The following SCIN variants were observed in gnomAD, a reference collection of about 807,000 sequenced individuals.
SCIN encodes scinderin.
SCIN carries 91 observed loss-of-function variants against 91.8 expected under a neutral mutation model. That is an observed-to-expected ratio of 0.99 (90% CI 0.84 to 1.18). The LOEUF is 1.18. Ranked by LOEUF, SCIN falls within the 50% of genes most tolerant of loss-of-function variation. SCIN has a pLI of 0.00. For synonymous variants in SCIN, 367 were observed against 312.6 expected (o/e 1.17, Z -1.84); for missense variants, 1,087 against 863.9 (o/e 1.26, Z -3.24).
intron 4 of SCIN, among the ~76,000 whole-genome samples, chr7:12,606,257 G>A (rs1205042873): frequency 6.6e-6 from 1 of 152,064 alleles, no homozygotes; most frequent in Non-Finnish European, 1.5e-5. Context: ...GTTTAATAGT[G>A]GTAGGTGGTA....
chr7:12,647,950 G>A (rs756667922), intron 13 of SCIN, among the ~76,000 whole-genome samples: 1 of 152,088 alleles, frequency 6.6e-6, no homozygotes, highest in East Asian at 1.9e-4. Context: ...CATGGCCAAC[G>A]CCCCAGTCAG....
At chr7:12,599,779 G>A (rs945212282) in intron 3 of SCIN, among the ~76,000 whole-genome samples, 5 of 151,986 alleles carry the variant, frequency 3.3e-5, no homozygotes, top group African/African-American at 1.2e-4. Context: ...TAGTGAAGTT[G>A]AGCATCTTTT....
intron 3 of SCIN, among the ~76,000 whole-genome samples, chr7:12,586,780 C>T (rs372360454): frequency 2.0e-5 from 3 of 152,106 alleles, no homozygotes; most frequent in African/African-American, 4.8e-5. Context: ...TTTGCACCAA[C>T]GTGGATGAAT....
chr7:12,637,668 G>T (rs548518863), intron 10 of SCIN, among the ~76,000 whole-genome samples: 1 of 152,130 alleles, frequency 6.6e-6, no homozygotes, highest in African/African-American at 2.4e-5. Context: ...GGAGAGGATA[G>T]TGTGAGAGGG....
intron 4 of SCIN, among the ~76,000 whole-genome samples, chr7:12,611,625 G>T (rs1196773672): frequency 3.9e-5 from 6 of 152,176 alleles, no homozygotes; most frequent in African/African-American, 7.2e-5. Flanking sequence ...TTATAGGGTT[G>T]TATCGAATGA....
intron 3 of SCIN, among the ~76,000 whole-genome samples, chr7:12,582,010 C>T (rs1583275729): frequency 6.6e-6 from 1 of 152,294 alleles, no homozygotes; most frequent in East Asian, 1.9e-4. Flanking sequence ...TCCTGCTTTT[C>T]ATTATCATCA....
intron 3 of SCIN, among the ~76,000 whole-genome samples, chr7:12,582,011 A>C (rs1369492683): frequency 2.0e-5 from 3 of 152,208 alleles, no homozygotes; most frequent in Non-Finnish European, 1.5e-5. Context: ...CCTGCTTTTC[A>C]TTATCATCAT....
At chr7:12,583,780 C>A in intron 3 of SCIN, among the ~76,000 whole-genome samples, 1 of 152,120 alleles carries the variant, frequency 6.6e-6, no homozygotes, top group East Asian at 1.9e-4. Flanking sequence ...GGCCACAAAT[C>A]CAGGTTCACG....
At chr7:12,603,135 AT>A (rs1303325340) in intron 3 of SCIN, among the ~76,000 whole-genome samples, 3 of 152,068 alleles carry the variant, frequency 2.0e-5, no homozygotes, top group Non-Finnish European at 4.4e-5. Context: ...ATTTCTTGTT[AT>A]TAAAAGCACA....
rs187355497 is a variant in SCIN, at chr7:12,625,180, A to G, written c.892+38A>G. 1.3e-3 allele frequency: 2,106 copies of G among 1,564,136 alleles called. 3 individuals carry two copies. The highest frequency in any genetic ancestry group is 1.6e-3 in the Non-Finnish European group (1,878 of 1,152,016). ...ATTGACGATGCTGTATTTCAGATTT[A>G]TAGATATTTCCTCTATAAGGGTAAA... On this transcript the variant is annotated intron_variant, in intron 6 of 15. Transcript: ENST00000297029.
At chr7:12,638,982 C>G (rs970544443) in intron 10 of SCIN, among the ~76,000 whole-genome samples, 3 of 152,042 alleles carry the variant, frequency 2.0e-5, no homozygotes, top group Non-Finnish European at 4.4e-5. Flanking sequence ...TAATGAGTTA[C>G]CATGAATTGT....
chr7:12,644,549 A>C (rs1783920101), intron 12 of SCIN, 35 bp from the exon 13 acceptor site: 17 of 1,607,324 alleles, frequency 1.1e-5, no homozygotes, highest in Non-Finnish European at 1.4e-5. Context: ...TATGTCCCTG[A>C]AAATGCACTG....
At chr7:12,603,991 C>A (rs776761393) in intron 3 of SCIN, among the ~76,000 whole-genome samples, 4 of 151,904 alleles carry the variant, frequency 2.6e-5, no homozygotes, top group Non-Finnish European at 5.9e-5. Flanking sequence ...CTTTTTATGG[C>A]TCTTGATAAG....
At chr7:12,608,773 G>A (rs958305341) in intron 4 of SCIN, among the ~76,000 whole-genome samples, 7 of 152,042 alleles carry the variant, frequency 4.6e-5, no homozygotes, top group African/African-American at 7.2e-5. Flanking sequence ...CTACGCACCC[G>A]GCCTAAATTT....
chr7:12,584,647 T>G (rs1172841237), intron 3 of SCIN, among the ~76,000 whole-genome samples: 1 of 152,204 alleles, frequency 6.6e-6, no homozygotes, highest in Non-Finnish European at 1.5e-5. Flanking sequence ...CATAGTTAGC[T>G]TATTTTTAGA....
In SCIN at chr7:12,651,155, G is replaced by A. The variant is rs990992607; in HGVS notation, c.1960-686G>A. 6.6e-6 allele frequency among the ~76,000 whole-genome samples: 1 copy of A among 152,222 alleles called. No homozygotes were observed. The highest frequency in any genetic ancestry group is 2.1e-4 in the South Asian group (1 of 4,834). On this transcript the variant is annotated intron_variant, in intron 14 of 15. Coordinates refer to ENST00000297029, the MANE Select transcript of SCIN (RefSeq NM_001112706.3). The surrounding 1 kb of genome is among the most constrained non-coding windows in gnomAD (Gnocchi z 5.9). ...CATTTTGAAGTTACAGAAAGAATGGGGGATTGCAGGATGGCAAAACTGGTT... is the reference window on the plus strand; with the variant it reads ...CATTTTGAAGTTACAGAAAGAATGGAGGATTGCAGGATGGCAAAACTGGTT...
intron 3 of SCIN, among the ~76,000 whole-genome samples, chr7:12,583,790 G>A (rs551176032): frequency 2.6e-5 from 4 of 152,184 alleles, no homozygotes; most frequent in Middle Eastern, 3.4e-3. Context: ...CCAGGTTCAC[G>A]TAATAGGGAC....
At chr7:12,590,563 C>G (rs1583282919) in intron 3 of SCIN, among the ~76,000 whole-genome samples, 1 of 151,142 alleles carries the variant, frequency 6.6e-6, no homozygotes, top group African/African-American at 2.4e-5. Flanking sequence ...ATCCAGTCCC[C>G]TTGAAAGGAG....
intron 3 of SCIN, 127 bp downstream of exon 3, chr7:12,581,348 C>G: frequency 1.2e-6 from 1 of 861,628 alleles, no homozygotes. Context: ...TTTATGTGAG[C>G]TGAGTAATTG....
Sources: allele counts gnomAD v4.1 joint callset (sites outside exome capture counted in the v4.1 genomes callset), GRCh38; gene constraint gnomAD v4.1.1; non-coding constraint Gnocchi (gnomAD v3.1); transcripts MANE v1.5; gene names NCBI Gene and HGNC (gene_info 2026-07-23, HGNC 2026-07-21).